CDH4: variants seen among roughly 807,000 people sequenced by gnomAD.
The protein encoded by CDH4 is cadherin 4.
A neutral mutation model predicts 86.0 loss-of-function variants in CDH4; 33 were observed. That is an observed-to-expected ratio of 0.38 (90% confidence interval 0.29 to 0.51). CDH4 has a LOEUF of 0.51. CDH4 is among the 20% of genes least tolerant of loss of function. The pLI, the probability that CDH4 is intolerant of heterozygous loss-of-function variation, is 0.86. For missense variants in CDH4, 1,114 were observed against 1,307.4 expected, an observed-to-expected ratio of 0.85 and a Z score of 2.28; for synonymous variants, 555 against 549.4, an observed-to-expected ratio of 1.01 and a Z score of -0.14.
intron 2 of CDH4, among the ~76,000 whole-genome samples, chr20:61,727,568 C>T (rs879807625): frequency 2.6e-5 from 4 of 152,192 alleles, no homozygotes; most frequent in Non-Finnish European, 4.4e-5. Flanking sequence ...AATCGGCTCA[C>T]GGTTCTGCAG....
chr20:61,340,469 G>A (rs2084644132), intron 2 of CDH4, among the ~76,000 whole-genome samples: 1 of 152,198 alleles, frequency 6.6e-6, no homozygotes, highest in South Asian at 2.1e-4. Flanking sequence ...TGGCAACTTG[G>A]ACTTTCCAAA....
chr20:61,878,501 C>T (rs1330518214), intron 7 of CDH4, among the ~76,000 whole-genome samples: 3 of 152,240 alleles, frequency 2.0e-5, no homozygotes, highest in Non-Finnish European at 2.9e-5. Flanking sequence ...GGCACCAGCT[C>T]GAGGGCTTCC....
At chr20:61,889,293 C>CATGGATGGATGGATGG (rs59254816) in intron 7 of CDH4, among the ~76,000 whole-genome samples, 1 of 141,738 alleles carries the variant, frequency 7.1e-6, no homozygotes, top group African/African-American at 2.6e-5. Context: ...CTCTTTAAAG[C>CATGGATGGATGGATGG]ATGGATGGAT....
intron 2 of CDH4, among the ~76,000 whole-genome samples, chr20:61,546,841 G>A (rs1600746890): frequency 6.6e-6 from 1 of 152,264 alleles, no homozygotes; most frequent in East Asian, 1.9e-4. Context: ...CGGTGCCACG[G>A]GATAATCCTT....
chr20:61,528,165 C>T (rs2085924440), intron 2 of CDH4, among the ~76,000 whole-genome samples: 1 of 150,832 alleles, frequency 6.6e-6, no homozygotes, highest in Admixed American at 6.6e-5. Context: ...CACTTGAGGC[C>T]AGGAGTTCAA....
chr20:61,401,549 C>T (rs527980210), intron 2 of CDH4, among the ~76,000 whole-genome samples: 12 of 152,252 alleles, frequency 7.9e-5, no homozygotes, highest in East Asian at 1.9e-4. Context: ...TAACCTGAAG[C>T]GCAAGGACAG....
At chr20:61,426,332 A>G (rs925920766) in intron 2 of CDH4, among the ~76,000 whole-genome samples, 3 of 152,340 alleles carry the variant, frequency 2.0e-5, no homozygotes, top group Admixed American at 1.3e-4. Context: ...GCAGGTACCT[A>G]TAATGAATAA....
chr20:61,588,961 G>T (rs141960893), intron 2 of CDH4, among the ~76,000 whole-genome samples: 3 of 152,176 alleles, frequency 2.0e-5, no homozygotes, highest in Non-Finnish European at 4.4e-5. Flanking sequence ...AAAAACACAC[G>T]CGGAGATAAA....
Position 61,929,714 on chromosome 20 carries a change from C to T in CDH4, c.2111C>T (p.Ser704Phe). 1 of 1,614,170 alleles carries T rather than the reference C, an allele frequency of 6.2e-7. No homozygotes were observed. Among genetic ancestry groups the T allele is most frequent in the South Asian group, 1.1e-5 (1 of 91,084 alleles). ...GGAAACCCTCCCCTGTCCAACACGT[C>T]CATCATCAAAGTCAAGGTGTGCCCA... is the stretch of plus-strand genomic sequence containing the variant. ...DSGNPPLSNT[S>F]IIKVKVCPCD... Residue 704 changes from serine to phenylalanine, a missense_variant, in exon 13 of 16, where the codon TCC becomes TTC. By Grantham distance (155) the Ser-to-Phe change is radical. Coordinates refer to ENST00000614565, the MANE Select transcript of CDH4 (RefSeq NM_001794.5).
chr20:61,549,647 C>A (rs535960124), intron 2 of CDH4, among the ~76,000 whole-genome samples: 94 of 152,322 alleles, frequency 6.2e-4, no homozygotes, highest in African/African-American at 2.2e-3. Flanking sequence ...GGACGTCAAG[C>A]ACGTGCTGGG....
chr20:61,669,653 G>A (rs759619246), intron 2 of CDH4, among the ~76,000 whole-genome samples: 63 of 152,208 alleles, frequency 4.1e-4, no homozygotes, highest in Non-Finnish European at 8.1e-4. Context: ...TTTCCTGAAA[G>A]TCAAATCTAC....
chr20:61,443,011 T>C (rs1157556643), intron 2 of CDH4, among the ~76,000 whole-genome samples: 2 of 152,202 alleles, frequency 1.3e-5, no homozygotes, highest in African/African-American at 4.8e-5. Flanking sequence ...TGAATCACAA[T>C]GTCTTTAGAC....
At chr20:61,707,060 T>A (rs773750106) in intron 2 of CDH4, among the ~76,000 whole-genome samples, 5 of 152,214 alleles carry the variant, frequency 3.3e-5, no homozygotes, top group Admixed American at 6.5e-5. Flanking sequence ...TCTCTCTCCA[T>A]CTTCCCTGGG....
At chr20:61,541,636 C>T (rs765108445) in intron 2 of CDH4, among the ~76,000 whole-genome samples, 4 of 152,180 alleles carry the variant, frequency 2.6e-5, no homozygotes, top group Non-Finnish European at 5.9e-5. Context: ...AGAAGCATCC[C>T]GGTGGAAGGC....
chr20:61,329,696 G>A (rs767853813), intron 2 of CDH4, among the ~76,000 whole-genome samples: 7 of 152,028 alleles, frequency 4.6e-5, no homozygotes, highest in Non-Finnish European at 7.3e-5. Context: ...TTAATTTAAT[G>A]TAATTTTAAG....
At chr20:61,285,077 TTTTTTTTGTTTG>T (rs1274317122) in intron 2 of CDH4, among the ~76,000 whole-genome samples, 7 of 147,408 alleles carry the variant, frequency 4.7e-5, no homozygotes, top group East Asian at 3.9e-4. Flanking sequence ...TTCCTGTTTT[TTTTTTTTGTTTG>T]TTTGTTTGTT....
intron 2 of CDH4, among the ~76,000 whole-genome samples, chr20:61,531,526 G>C (rs930178101): frequency 1.3e-5 from 2 of 150,280 alleles, no homozygotes; most frequent in Non-Finnish European, 3.0e-5. Flanking sequence ...ACTTCCATTT[G>C]TTATAAGGTG....
At chr20:61,833,473 C>G (rs1981721009) in intron 4 of CDH4, among the ~76,000 whole-genome samples, 1 of 152,084 alleles carries the variant, frequency 6.6e-6, no homozygotes, top group Non-Finnish European at 1.5e-5. Flanking sequence ...ATGATTAAAC[C>G]AATATTCAGC....
intron 2 of CDH4, among the ~76,000 whole-genome samples, chr20:61,390,270 G>T (rs1222255560): frequency 3.4e-5 from 5 of 148,108 alleles, no homozygotes; most frequent in African/African-American, 9.9e-5. Context: ...CGGTCATAGG[G>T]TGCCCATAGT....
Sources: gnomAD v4.1 joint callset for allele counts (sites outside exome capture counted in the v4.1 genomes callset) on GRCh38, gnomAD v4.1.1 for gene constraint, MANE v1.5 for transcripts, NCBI Gene and HGNC (gene_info 2026-07-23, HGNC 2026-07-21) for gene names.